LY75: variants seen among roughly 807,000 people sequenced by gnomAD.
LY75 encodes the protein C-type lectin domain family 13 member B.
In LY75, 185 loss-of-function variants were observed where a neutral mutation model predicts 231.7. That is an observed-to-expected ratio of 0.80 (90% CI 0.71 to 0.90). LY75 has a LOEUF of 0.90. Among genes scored for constraint, LY75 ranks in the 40% least tolerant of loss-of-function variants. The pLI is 0.00. For synonymous variants in LY75, 668 were observed against 689.0 expected, an observed-to-expected ratio of 0.97 and a Z score of 0.48; for missense variants, 1,947 against 2,050.2, an observed-to-expected ratio of 0.95 and a Z score of 0.97.
At chr2:159,849,861 A>G (rs779160666) in intron 23 of LY75, 119 bp downstream of exon 23, 7 of 1,334,204 alleles carry the variant, frequency 5.2e-6, no homozygotes, top group Admixed American at 2.6e-5. Context: ...AGATGTGCCT[A>G]TTCTGGACAT....
chr2:159,878,439 T>C lies in LY75; in HGVS notation c.1659A>G (p.Arg553=), dbSNP rs1421313206. ...CTCTCAGGCCAGTCCAGAAGTATTT[T>C]CTTAGAGATTTATCATACTTTTTCA... is the stretch of plus-strand genomic sequence containing the variant. The part of the protein sequence containing the change: ...DLMKKYDKSL[R]KYFWTGLRDV... Residue 553 remains arginine, a synonymous_variant, in exon 11 of 35, where the codon AGA becomes AGG. Transcript: ENST00000263636. 1 of 1,614,128 alleles carries C rather than the reference T, an allele frequency of 6.2e-7. No homozygotes were observed. The highest frequency in any genetic ancestry group is 8.5e-7 in the Non-Finnish European group (1 of 1,180,012).
rs1438722824 is a variant in LY75 at position 159,850,279 on chromosome 2, T to G, written c.2989+83A>C. The G allele has an allele frequency of 5.2e-6, 8 of 1,541,118 alleles. No homozygotes were observed. In the East Asian group the frequency reaches 1.8e-4, roughly 35 times the overall value. On this transcript the variant is annotated intron_variant, in intron 22 of 34. Coordinates refer to ENST00000263636, the MANE Select transcript of LY75 (RefSeq NM_002349.4). ...AACAAAAGAAGTTTAATAAGAATTT[T>G]TGTATGTTAATTCCCCATAGCCTCC...
chr2:159,859,847 A>T (rs1218186498), intron 15 of LY75, among the ~76,000 whole-genome samples: 1 of 152,202 alleles, frequency 6.6e-6, no homozygotes, highest in African/African-American at 2.4e-5. Flanking sequence ...TGGCTGGCTC[A>T]TAAAGGAGTT....
chr2:159,827,701 C>G (rs900669010), intron 28 of LY75, among the ~76,000 whole-genome samples: 4 of 152,126 alleles, frequency 2.6e-5, no homozygotes, highest in African/African-American at 9.7e-5. Context: ...AGACTTGGAA[C>G]CAACCCAAAT....
rs1220138457 is a variant in LY75 at position 159,886,539 on chromosome 2, A to C, written c.803-9T>G. The C allele has an allele frequency of 7.6e-6, 12 of 1,580,542 alleles. No individual in the cohort carries two copies. In the East Asian group the frequency reaches 2.7e-4, roughly 35 times the overall value. ...AGCAATGCCTTCTTTTTCTGTAAGA[A>C]TTAAAAAATTTTTAAAAAGTGACAA... On this transcript the variant is annotated splice_polypyrimidine_tract_variant and intron_variant, in intron 4 of 34. Coordinates refer to ENST00000263636, the MANE Select transcript of LY75 (RefSeq NM_002349.4).
chr2:159,815,268 T>C (rs2125830615), intron 31 of LY75, 137 bp downstream of exon 31: 1 of 1,113,840 alleles, frequency 9.0e-7, no homozygotes, highest in Admixed American at 3.3e-5. Flanking sequence ...CCCAAAGTGC[T>C]GGGATTACAG....
chr2:159,877,028 A>AAAAAAAAAAAAAAAAAAAAAAG (rs1553810533), intron 11 of LY75, among the ~76,000 whole-genome samples: 1 of 117,092 alleles, frequency 8.5e-6, no homozygotes. Flanking sequence ...AAAAAAAAAA[A>AAAAAAAAAAAAAAAAAAAAAAG]AAAAAAGAAA....
At chr2:159,902,097 T>A (rs1309558636) in intron 1 of LY75, among the ~76,000 whole-genome samples, 2 of 152,216 alleles carry the variant, frequency 1.3e-5, no homozygotes, top group Admixed American at 1.3e-4. Context: ...TTTGAAAAGG[T>A]AATTACAGAG....
At chr2:159,840,996 C>A (rs1684007973) in intron 24 of LY75, 41 bp from the exon 25 acceptor site, 3 of 1,602,158 alleles carry the variant, frequency 1.9e-6, no homozygotes, top group South Asian at 2.2e-5. Flanking sequence ...AAACCCTTCC[C>A]CACACTCTGC....
At chr2:159,858,634 T>C in intron 15 of LY75, 158 bp from the exon 16 acceptor site, 1 of 491,152 alleles carries the variant, frequency 2.0e-6, no homozygotes, top group African/African-American at 2.1e-5. Context: ...ATTTAAACAG[T>C]AATACCCTGA....
Position 159,858,345 on chromosome 2 carries a change from G to C in LY75, c.2383+17C>G. 1 of 1,610,536 alleles carries C rather than the reference G, an allele frequency of 6.2e-7. No individual in the cohort carries two copies. The highest frequency in any genetic ancestry group is 8.5e-7 in the Non-Finnish European group (1 of 1,178,650). ...GTTAACATGAGAAGGTTGTGAAAAG[G>C]AATAACTACCACTTACCTTTTGGAA... On this transcript the variant is annotated intron_variant, in intron 16 of 34. Coordinates refer to ENST00000263636, the MANE Select transcript of LY75 (RefSeq NM_002349.4).
At chr2:159,828,143 C>T (rs2729703) in intron 28 of LY75, among the ~76,000 whole-genome samples, 61,620 of 150,742 alleles carry the variant, frequency 0.41, 14,256 homozygotes, top group Non-Finnish European at 0.52. Flanking sequence ...ACTTTTGTGG[C>T]ATAAGTAAAG....
chr2:159,898,649 A>G, intron 2 of LY75, 39 bp downstream of exon 2: 1 of 1,577,444 alleles, frequency 6.3e-7, no homozygotes, highest in Non-Finnish European at 8.6e-7. Flanking sequence ...TGTGACAAGC[A>G]CAACAGCAAA....
chr2:159,878,706 C>T lies in LY75; in HGVS notation c.1531G>A (p.Gly511Arg). 1 of 1,613,924 alleles carries T rather than the reference C, an allele frequency of 6.2e-7. No individual in the cohort carries two copies. The highest frequency in any genetic ancestry group is 8.5e-7 in the Non-Finnish European group (1 of 1,179,896). ...CPPDEGWKRH[G>R]ETCYKIYEDE... is the part of the protein sequence containing the mutation. ...TCATAAATCTTGTAACAGGTTTCTC[C>T]ATGTCTCTTCCAGCCCTAAGTCAGA... The change falls in exon 10 of 35, where the codon GGA becomes AGA. Residue 511 changes from glycine (G) to arginine (R), a missense_variant. Coordinates refer to ENST00000263636, the MANE Select transcript of LY75 (RefSeq NM_002349.4).
chr2:159,842,201 G>C, intron 24 of LY75, 44 bp downstream of exon 24: 1 of 1,565,914 alleles, frequency 6.4e-7, no homozygotes, highest in African/African-American at 1.6e-5. Flanking sequence ...ATATATATAT[G>C]TAATAGCATA....
intron 1 of LY75, among the ~76,000 whole-genome samples, chr2:159,900,141 C>T (rs2125887401): frequency 6.6e-6 from 1 of 152,308 alleles, no homozygotes; most frequent in Middle Eastern, 3.4e-3. Context: ...GAAGAATCCT[C>T]CCTGAATGTT....
intron 22 of LY75, 28 bp from the exon 23 acceptor site, chr2:159,850,168 T>A: frequency 6.3e-7 from 1 of 1,583,410 alleles, no homozygotes; most frequent in Admixed American, 1.9e-5. Flanking sequence ...TTAAAAAGCA[T>A]TTGATTTATT....
At chr2:159,844,861 G>T (rs1258564361) in intron 23 of LY75, among the ~76,000 whole-genome samples, 1 of 150,968 alleles carries the variant, frequency 6.6e-6, no homozygotes, top group African/African-American at 2.4e-5. Flanking sequence ...TGTTAAATGG[G>T]TGTGTTGGAC....
At chr2:159,891,754 A>T (rs1685765066) in intron 3 of LY75, among the ~76,000 whole-genome samples, 1 of 152,202 alleles carries the variant, frequency 6.6e-6, no homozygotes, top group Non-Finnish European at 1.5e-5. Flanking sequence ...GAGGATAAAG[A>T]ATCCTTCACT....
Sources: gnomAD v4.1 joint callset for allele counts (sites outside exome capture counted in the v4.1 genomes callset) on GRCh38, gnomAD v4.1.1 for gene constraint, MANE v1.5 for transcripts, NCBI Gene and HGNC (gene_info 2026-07-23, HGNC 2026-07-21) for gene names.